Variants in RAD51B observed in about 807,000 individuals in gnomAD.
The protein encoded by RAD51B is RAD51 paralog B.
A neutral mutation model predicts 42.2 loss-of-function variants in RAD51B; 38 were observed. The ratio of observed to expected loss-of-function variants is 0.90; its 90% CI spans 0.70 to 1.18. The LOEUF (loss-of-function observed/expected upper bound fraction) is 1.18. RAD51B is among the 50% of genes most tolerant of loss of function. The pLI is 0.00. For synonymous variants in RAD51B, 154 were observed against 145.2 expected, an observed-to-expected ratio of 1.06 and a Z score of -0.43; for missense variants, 373 against 400.7, an observed-to-expected ratio of 0.93 and a Z score of 0.59.
At chr14:67,983,281 C>CT (rs2075127672) in intron 7 of RAD51B, among the ~76,000 whole-genome samples, 1 of 151,910 alleles carries the variant, frequency 6.6e-6, no homozygotes, top group African/African-American at 2.4e-5. Context: ...TGTAAGTAAG[C>CT]TCAAATCTCA....
intron 8 of RAD51B, among the ~76,000 whole-genome samples, chr14:68,409,228 A>G (rs748138560): frequency 2.0e-5 from 3 of 152,364 alleles, no homozygotes; most frequent in Non-Finnish European, 4.4e-5. Context: ...TTGCCCTTGC[A>G]GTGTTGATTT....
intron 10 of RAD51B, among the ~76,000 whole-genome samples, chr14:68,634,411 G>A (rs1000774752): frequency 6.6e-6 from 1 of 152,136 alleles, no homozygotes; most frequent in South Asian, 2.1e-4. Flanking sequence ...GTGCAAGAAC[G>A]GCAATGCCAG....
chr14:67,835,366 A>G (rs2041201612), intron 4 of RAD51B, among the ~76,000 whole-genome samples, 170 bp downstream of exon 4: 1 of 152,204 alleles, frequency 6.6e-6, no homozygotes, highest in Admixed American at 6.5e-5. Flanking sequence ...TGTTCTGCAA[A>G]CAGAGGTGTT....
At chr14:68,098,431 G>C (rs923395774) in intron 7 of RAD51B, among the ~76,000 whole-genome samples, 2 of 152,226 alleles carry the variant, frequency 1.3e-5, no homozygotes, top group African/African-American at 4.8e-5. Flanking sequence ...GTTTCACTCT[G>C]CTGATAAAGA....
intron 7 of RAD51B, among the ~76,000 whole-genome samples, chr14:67,951,736 T>G (rs1035745457): frequency 1.3e-5 from 2 of 152,212 alleles, no homozygotes; most frequent in African/African-American, 4.8e-5. Context: ...CTTCATACTA[T>G]TCTGTTATTT....
At chr14:67,893,793 A>T (rs1390428563) in intron 7 of RAD51B, among the ~76,000 whole-genome samples, 1 of 152,056 alleles carries the variant, frequency 6.6e-6, no homozygotes, top group Non-Finnish European at 1.5e-5. Context: ...GGAGAAGGGG[A>T]CTTGATTTTG....
intron 7 of RAD51B, among the ~76,000 whole-genome samples, chr14:68,207,252 A>G (rs1234316726): frequency 1.3e-5 from 2 of 152,196 alleles, no homozygotes; most frequent in Non-Finnish European, 2.9e-5. Context: ...ATACACACAC[A>G]TATACACCTA....
intron 7 of RAD51B, among the ~76,000 whole-genome samples, chr14:68,277,684 G>A (rs543838090): frequency 2.0e-5 from 3 of 152,232 alleles, no homozygotes; most frequent in African/African-American, 7.2e-5. Context: ...TATTACCATA[G>A]TATTTCAAAG....
At chr14:68,089,561 T>C (rs554299947) in intron 7 of RAD51B, among the ~76,000 whole-genome samples, 1 of 152,264 alleles carries the variant, frequency 6.6e-6, no homozygotes, top group East Asian at 1.9e-4. Context: ...AATAAAATAC[T>C]GTGCTTCAAA....
intron 10 of RAD51B, among the ~76,000 whole-genome samples, chr14:68,530,425 C>A (rs1887209139): frequency 2.5e-5 from 2 of 80,024 alleles, no homozygotes; most frequent in South Asian, 8.1e-4. Context: ...CCAGCCTGGG[C>A]AACAGAGAAA....
intron 11 of RAD51B, among the ~76,000 whole-genome samples, chr14:68,677,421 G>A (rs946041678): frequency 6.6e-6 from 1 of 152,172 alleles, no homozygotes; most frequent in Admixed American, 6.5e-5. Context: ...CCTCCAGTAT[G>A]TAGTGTCTCT....
chr14:67,845,284 A>C (rs1198645639), intron 4 of RAD51B, among the ~76,000 whole-genome samples: 2 of 152,178 alleles, frequency 1.3e-5, no homozygotes, highest in African/African-American at 2.4e-5. Flanking sequence ...GACCTCTCGT[A>C]AGGCAGGTCT....
intron 7 of RAD51B, among the ~76,000 whole-genome samples, chr14:68,067,192 G>C (rs1455029058): frequency 6.6e-6 from 1 of 152,102 alleles, no homozygotes; most frequent in Admixed American, 6.6e-5. Context: ...GCTGGTCATG[G>C]TGGCTCATGC....
At chr14:68,221,429 A>G (rs987967765) in intron 7 of RAD51B, among the ~76,000 whole-genome samples, 8 of 152,242 alleles carry the variant, frequency 5.3e-5, no homozygotes, top group Admixed American at 2.6e-4. Context: ...AAACAAAAAC[A>G]TAAAGTGGGA....
chr14:68,094,074 G>A (rs1311220402), intron 7 of RAD51B, among the ~76,000 whole-genome samples: 1 of 151,980 alleles, frequency 6.6e-6, no homozygotes, highest in Non-Finnish European at 1.5e-5. Flanking sequence ...ATTTTAAGTT[G>A]CATTTCTCTG....
intron 5 of RAD51B, among the ~76,000 whole-genome samples, chr14:67,880,496 A>G (rs1595053565): frequency 6.6e-6 from 1 of 152,334 alleles, no homozygotes; most frequent in East Asian, 1.9e-4. Context: ...TATTAAAAAT[A>G]TGTCTGTGTT....
intron 10 of RAD51B, among the ~76,000 whole-genome samples, chr14:68,516,897 A>G (rs1280533846): frequency 6.6e-6 from 1 of 152,242 alleles, no homozygotes; most frequent in African/African-American, 2.4e-5. Context: ...TAAGTTCACT[A>G]TGGCAGATAC....
At chr14:67,927,564 C>T (rs1056664633) in intron 7 of RAD51B, among the ~76,000 whole-genome samples, 1 of 152,052 alleles carries the variant, frequency 6.6e-6, no homozygotes, top group Non-Finnish European at 1.5e-5. Context: ...TTTTAGCTCC[C>T]ACATGTGAAT....
intron 7 of RAD51B, among the ~76,000 whole-genome samples, chr14:68,067,407 T>C (rs1469172037): frequency 3.5e-5 from 5 of 141,344 alleles, no homozygotes; most frequent in Non-Finnish European, 7.5e-5. Flanking sequence ...GAGGTTGCAG[T>C]GAGCCGAGAT....
Sources: allele counts gnomAD v4.1 joint callset (sites outside exome capture counted in the v4.1 genomes callset), GRCh38; gene constraint gnomAD v4.1.1; transcripts MANE v1.5; gene names NCBI Gene and HGNC (gene_info 2026-07-23, HGNC 2026-07-21).